The following ERMAP variants were observed in gnomAD, a reference collection of about 807,000 sequenced individuals.
The protein encoded by ERMAP is erythroblast membrane associated protein (Scianna blood group), also known as erythroid membrane-associated protein.
ERMAP carries 34 observed loss-of-function variants against 49.5 expected under a neutral mutation model. The observed-to-expected ratio is 0.69, with a 90% confidence interval of 0.52 to 0.91. The LOEUF (loss-of-function observed/expected upper bound fraction) is 0.91. Among genes scored for constraint, ERMAP ranks in the 40% least tolerant of loss-of-function variants. ERMAP has a pLI of 0.00. For synonymous variants in ERMAP, 214 were observed against 232.2 expected (o/e 0.92, Z 0.71); for missense variants, 541 against 582.6 (o/e 0.93, Z 0.74).
chr1:42,830,929 G>C lies in ERMAP; in HGVS notation c.247G>C (p.Gly83Arg), dbSNP rs749786187. The C allele has an allele frequency of 6.2e-7, 1 of 1,614,200 alleles. No individual in the cohort carries two copies. The highest frequency in any genetic ancestry group is 1.1e-5 in the South Asian group (1 of 91,090). ...RSQAVHIFRDGKDQDEDLMPE... is the reference protein window; with the variant it reads ...RSQAVHIFRDRKDQDEDLMPE... ...CCAGGCTGTTCACATATTCCGGGATGGGAAGGACCAGGATGAAGATCTGAT... is the reference window on the plus strand; with the variant it reads ...CCAGGCTGTTCACATATTCCGGGATCGGAAGGACCAGGATGAAGATCTGAT... The change falls in exon 4 of 12, where the codon GGG becomes CGG. Residue 83 changes from glycine (G) to arginine (R), a missense_variant. Physicochemically the swap from Gly to Arg is moderately radical, Grantham distance 125. Coordinates refer to ENST00000372517, the MANE Select transcript of ERMAP (RefSeq NM_001017922.2).
Position 42,834,964 on chromosome 1 carries a change from C to T in ERMAP, c.434-74C>T, listed in dbSNP as rs573797014. On this transcript the variant is annotated intron_variant, in intron 4 of 11. Transcript: ENST00000372517. ...GGAGAGTGTTGGGATGTGCTGGAGC[C>T]GCCTGCCATCTGAGGCATGCCAGAA... is the stretch of plus-strand genomic sequence containing the variant. 1.6e-4 allele frequency: 124 copies of T among 766,064 alleles called. 1 individual carries two copies. The highest frequency in any genetic ancestry group is 1.6e-3 in the South Asian group (112 of 71,850). The allele number at this position is 766,064 out of a possible 1,614,324, so 47.5% of individuals were successfully genotyped here.
rs1654247455 is a variant in ERMAP at position 42,817,228 on chromosome 1, G to A, written c.-147G>A. On this transcript the variant is annotated 5_prime_UTR_variant, in exon 1 of 12. Coordinates refer to ENST00000372517, the MANE Select transcript of ERMAP (RefSeq NM_001017922.2). ...GCCACTGGAAGTTGGAGCCTCCGCC[G>A]AGTCGCAGACAACGCCTCCGGGAGG... 8.0e-7 allele frequency: 1 copy of A among 1,255,888 alleles called. No individual in the cohort carries two copies. The highest frequency in any genetic ancestry group is 1.6e-5 in the African/African-American group (1 of 62,538). The allele number at this position is 1,255,888 out of a possible 1,614,324, so 77.8% of individuals were successfully genotyped here. A position where few individuals can be genotyped will look rare whatever the true frequency, so the allele number is the denominator to read the frequency against.
At chr1:42,835,787 CA>C (rs761130083) in intron 6 of ERMAP, 23 bp downstream of exon 6, 2 of 1,598,544 alleles carry the variant, frequency 1.3e-6, no homozygotes, top group Non-Finnish European at 1.7e-6. Flanking sequence ...GGCTGGGGGG[CA>C]GGGGAGATGT....
At chr1:42,830,280 G>A (rs377500511) in intron 2 of ERMAP, 164 bp from the exon 3 acceptor site, 1 of 614,308 alleles carries the variant, frequency 1.6e-6, no homozygotes. Flanking sequence ...GAGAAGTTCG[G>A]TCACAGTATC....
Position 42,840,297 on chromosome 1 carries a change from G to T in ERMAP, c.712+1G>T, listed in dbSNP as rs760625002. Reference sequence around the variant, plus strand: ...TGGAGAAGAGCCCGGTTGCATTTTGGTAAGTTATACCAATCAAATAGGTCC... The same window carrying T: ...TGGAGAAGAGCCCGGTTGCATTTTGTTAAGTTATACCAATCAAATAGGTCC... On this transcript the variant is annotated splice_donor_variant, in intron 11 of 11. Transcript: ENST00000372517. LOFTEE classifies it high-confidence loss of function. 6.2e-7 allele frequency: 1 copy of T among 1,614,082 alleles called. No individual in the cohort carries two copies. Among genetic ancestry groups the T allele is most frequent in the Non-Finnish European group, 8.5e-7 (1 of 1,180,020 alleles).
At chr1:42,842,382 G>A (rs762318985) in intron 11 of ERMAP, 135 bp from the exon 12 acceptor site, 4 of 693,208 alleles carry the variant, frequency 5.8e-6, no homozygotes, top group Non-Finnish European at 9.5e-6. Context: ...TACACATGGT[G>A]GGGGCGGGAA....
rs112557350 is a variant in ERMAP at position 42,819,288 on chromosome 1, T to C, written c.-122+2035T>C. 5.3e-5 allele frequency among the ~76,000 whole-genome samples: 8 copies of C among 151,754 alleles called. No homozygotes were observed. Among genetic ancestry groups the C allele is most frequent in the Admixed American group, 2.6e-4 (4 of 15,230 alleles). ...GCAATAGGCAAGAAGAATTGTCCAG[T>C]GAGCAATTAGAAGATTTCAGAAAAG... On this transcript the variant is annotated intron_variant, in intron 1 of 11. Transcript: ENST00000372517. The surrounding 1 kb of genome is among the most constrained non-coding windows in gnomAD (Gnocchi z 5.1).
chr1:42,834,268 T>C (rs1313246817), intron 4 of ERMAP, among the ~76,000 whole-genome samples: 9 of 149,774 alleles, frequency 6.0e-5, no homozygotes, highest in South Asian at 4.1e-4. Context: ...TGCGGCATCA[T>C]AGAAATTGCT....
chr1:42,840,247 G>T (rs1034458078), intron 10 of ERMAP, 23 bp from the exon 11 acceptor site: 2 of 1,614,114 alleles, frequency 1.2e-6, no homozygotes, highest in Non-Finnish European at 1.7e-6. Context: ...GTACTTTAAT[G>T]ATCCCCTTTT....
chr1:42,827,089 A>G (rs1262874732), intron 2 of ERMAP, among the ~76,000 whole-genome samples: 1 of 152,224 alleles, frequency 6.6e-6, no homozygotes, highest in Non-Finnish European at 1.5e-5. Context: ...AGTCATGTAA[A>G]GAAGATTTGA....
Position 42,835,778 on chromosome 1 carries a change from G to A in ERMAP, c.583+14G>A, listed in dbSNP as rs1344698268. 6.2e-7 allele frequency: 1 copy of A among 1,605,536 alleles called. No individual in the cohort carries two copies. The highest frequency in any genetic ancestry group is 8.5e-7 in the Non-Finnish European group (1 of 1,176,380). On this transcript the variant is annotated intron_variant, in intron 6 of 11. Transcript: ENST00000372517. The stretch of plus-strand genomic sequence containing the variant: ...TGACGGAGGTGGGTAAGTGTTCTTG[G>A]CTGGGGGGCAGGGGAGATGTTTCTT...
intron 11 of ERMAP, among the ~76,000 whole-genome samples, chr1:42,842,305 T>A (rs1655078023): frequency 6.6e-6 from 1 of 152,204 alleles, no homozygotes; most frequent in Non-Finnish European, 1.5e-5. Context: ...AGAAGAACTT[T>A]TTCTTCTATT....
At chr1:42,829,947 T>C (rs983784527) in intron 2 of ERMAP, 1 of 160,616 alleles carries the variant, frequency 6.2e-6, no homozygotes, top group Non-Finnish European at 1.4e-5. Context: ...CTGTTATTTA[T>C]CAAGAGTCAA....
chr1:42,837,094 T>G, intron 6 of ERMAP, 64 bp from the exon 7 acceptor site: 1 of 1,573,368 alleles, frequency 6.4e-7, no homozygotes, highest in South Asian at 1.1e-5. Flanking sequence ...GTAAAATCAA[T>G]AGGAATCAGG....
In ERMAP at chr1:42,825,626, T is replaced by C; in HGVS notation, c.-118T>C. ...TTTTCCCGGCCCACATCCCTAGGCC[T>C]TCCTGATGCGCTTGCCTGCTCCCTG... On this transcript the variant is annotated 5_prime_UTR_variant, in exon 2 of 12. Coordinates refer to ENST00000372517, the MANE Select transcript of ERMAP (RefSeq NM_001017922.2). 7.8e-7 allele frequency: 1 copy of C among 1,288,600 alleles called. No individual in the cohort carries two copies. The allele number at this position is 1,288,600 out of a possible 1,614,324, so 79.8% of individuals were successfully genotyped here.
intron 4 of ERMAP, among the ~76,000 whole-genome samples, chr1:42,832,597 C>T (rs1401699577): frequency 1.3e-5 from 2 of 151,826 alleles, no homozygotes; most frequent in African/African-American, 2.4e-5. Flanking sequence ...AATCTCCCGA[C>T]CTCAGGTGAT....
chr1:42,836,735 A>G (rs1304926332), intron 6 of ERMAP, among the ~76,000 whole-genome samples: 1 of 152,018 alleles, frequency 6.6e-6, no homozygotes, highest in Non-Finnish European at 1.5e-5. Flanking sequence ...GCGTGCCTGT[A>G]ATCCCAGCTA....
At chr1:42,840,391 G>T in intron 11 of ERMAP, 95 bp downstream of exon 11, 1 of 1,483,414 alleles carries the variant, frequency 6.7e-7, no homozygotes, top group Non-Finnish European at 9.3e-7. Context: ...TGGAATGCAG[G>T]TAATTTAAAA....
At chr1:42,827,177 C>G (rs1425168385) in intron 2 of ERMAP, among the ~76,000 whole-genome samples, 2 of 152,036 alleles carry the variant, frequency 1.3e-5, no homozygotes, top group Non-Finnish European at 2.9e-5. Context: ...TATTTATTTA[C>G]TTATTTATTT....
Sources: allele counts gnomAD v4.1 joint callset (sites outside exome capture counted in the v4.1 genomes callset), GRCh38; gene constraint gnomAD v4.1.1; non-coding constraint Gnocchi (gnomAD v3.1); transcripts MANE v1.5; gene names NCBI Gene and HGNC (gene_info 2026-07-23, HGNC 2026-07-21).